CHRM3: variants seen among roughly 807,000 people sequenced by gnomAD.
CHRM3 encodes the protein muscarinic acetylcholine receptor M3.
A neutral mutation model predicts 41.8 loss-of-function variants in CHRM3; 11 were observed. The observed-to-expected ratio is 0.26, with a 90% CI of 0.17 to 0.44. The LOEUF (loss-of-function observed/expected upper bound fraction) is 0.44. CHRM3 is among the 20% of genes least tolerant of loss of function. The pLI is 1.00. For synonymous variants in CHRM3, 297 were observed against 301.4 expected, an observed-to-expected ratio of 0.99 and a Z score of 0.15; for missense variants, 571 against 745.4, an observed-to-expected ratio of 0.77 and a Z score of 2.72.
At chr1:239,425,812 C>T (rs1000189382) in intron 1 of CHRM3, among the ~76,000 whole-genome samples, 1 of 151,984 alleles carries the variant, frequency 6.6e-6, no homozygotes, top group African/African-American at 2.4e-5. Flanking sequence ...AATTGTAAAA[C>T]GCTCCATTCC....
intron 1 of CHRM3, among the ~76,000 whole-genome samples, chr1:239,485,721 T>G (rs1235316369): frequency 6.6e-6 from 1 of 152,172 alleles, no homozygotes; most frequent in African/African-American, 2.4e-5. Context: ...TAGCTCTGTA[T>G]TTGCCACTGC....
intron 1 of CHRM3, among the ~76,000 whole-genome samples, chr1:239,435,877 C>T (rs956370804): frequency 1.3e-5 from 2 of 152,102 alleles, no homozygotes; most frequent in African/African-American, 4.8e-5. Flanking sequence ...TCACATTTCT[C>T]TGCTCTGGGC....
chr1:239,801,980 A>C, intron 5 of CHRM3, among the ~76,000 whole-genome samples: 1 of 152,208 alleles, frequency 6.6e-6, no homozygotes, highest in East Asian at 1.9e-4. Context: ...GAGCAGCTTC[A>C]GGATTAGCGA....
At chr1:239,621,672 ACT>A (rs2148816200) in intron 3 of CHRM3, among the ~76,000 whole-genome samples, 1 of 152,322 alleles carries the variant, frequency 6.6e-6, no homozygotes, top group East Asian at 1.9e-4. Context: ...CAAGGCTTTA[ACT>A]CTCTTCAATT....
intron 3 of CHRM3, among the ~76,000 whole-genome samples, chr1:239,606,511 G>T (rs112383197): frequency 0.019 from 2,884 of 152,136 alleles, 83 homozygotes; most frequent in African/African-American, 0.063. Context: ...CCTGACCTTG[G>T]GATCTGCCCG....
chr1:239,752,947 C>G (rs984163083), intron 5 of CHRM3, among the ~76,000 whole-genome samples: 1 of 152,000 alleles, frequency 6.6e-6, no homozygotes, highest in Non-Finnish European at 1.5e-5. Context: ...AGATATATAT[C>G]ATTTTTATTG....
chr1:239,839,803 G>A (rs78190756), intron 6 of CHRM3, among the ~76,000 whole-genome samples: 17 of 151,404 alleles, frequency 1.1e-4, no homozygotes, highest in Admixed American at 3.3e-4. Flanking sequence ...GGCGGGGCGG[G>A]GGGGGAGCGG....
chr1:239,526,030 C>G (rs919250894), intron 2 of CHRM3, among the ~76,000 whole-genome samples: 10 of 152,168 alleles, frequency 6.6e-5, no homozygotes, highest in Non-Finnish European at 1.2e-4. Flanking sequence ...CTCAATTGAT[C>G]ATGGAGTCTC....
At chr1:239,433,573 A>C (rs1265868559) in intron 1 of CHRM3, among the ~76,000 whole-genome samples, 1 of 152,144 alleles carries the variant, frequency 6.6e-6, no homozygotes, top group East Asian at 1.9e-4. Context: ...CAAGCAGTAT[A>C]CACTGAACCC....
intron 6 of CHRM3, among the ~76,000 whole-genome samples, chr1:239,881,138 C>T (rs1677562085): frequency 2.0e-5 from 3 of 151,752 alleles, no homozygotes; most frequent in Admixed American, 6.6e-5. Context: ...AAAAAATTAG[C>T]CGGGCGTGGT....
At chr1:239,749,548 A>G (rs1178211165) in intron 5 of CHRM3, among the ~76,000 whole-genome samples, 1 of 152,100 alleles carries the variant, frequency 6.6e-6, no homozygotes, top group African/African-American at 2.4e-5. Flanking sequence ...CGTGCCTGTA[A>G]TCACAGCTGC....
intron 6 of CHRM3, among the ~76,000 whole-genome samples, chr1:239,841,056 G>A (rs1229172467): frequency 6.6e-6 from 1 of 152,142 alleles, no homozygotes; most frequent in Non-Finnish European, 1.5e-5. Flanking sequence ...TGTGTTCCAT[G>A]GCACCCTGAC....
At chr1:239,886,821 C>T (rs965698975) in intron 6 of CHRM3, among the ~76,000 whole-genome samples, 2 of 152,156 alleles carry the variant, frequency 1.3e-5, no homozygotes, top group Admixed American at 6.5e-5. Context: ...AGAGCATTAC[C>T]GGGTTTCTCT....
intron 3 of CHRM3, among the ~76,000 whole-genome samples, chr1:239,572,754 A>G (rs1661948819): frequency 6.6e-6 from 1 of 151,814 alleles, no homozygotes; most frequent in Non-Finnish European, 1.5e-5. Context: ...CTCTTAATGG[A>G]TGTGATATGG....
At chr1:239,815,848 C>G (rs767167951) in intron 5 of CHRM3, among the ~76,000 whole-genome samples, 50 of 152,292 alleles carry the variant, frequency 3.3e-4, no homozygotes, top group Non-Finnish European at 5.9e-4. Context: ...CATCTTTAAA[C>G]TGCACTCTTA....
At chr1:239,398,254 G>A (rs776695130) in intron 1 of CHRM3, among the ~76,000 whole-genome samples, 2 of 151,864 alleles carry the variant, frequency 1.3e-5, no homozygotes, top group Non-Finnish European at 2.9e-5. Context: ...TTTTCTTTTT[G>A]AGATGGAGTT....
intron 1 of CHRM3, among the ~76,000 whole-genome samples, chr1:239,415,045 A>G (rs1661388017): frequency 2.0e-5 from 3 of 152,378 alleles, no homozygotes; most frequent in South Asian, 4.1e-4. Context: ...TTTCAAACAA[A>G]TGCATGTCTG....
In CHRM3 at chr1:239,539,476, T is replaced by C. The variant is rs79822201; in HGVS notation, c.-421-6165T>C. Among the ~76,000 whole-genome samples, 335 of 151,450 alleles carry C rather than the reference T, an allele frequency of 2.2e-3. 1 individual carries two copies. Among genetic ancestry groups the C allele is most frequent in the African/African-American group, 7.8e-3 (324 of 41,534 alleles). ...AAATATTCTTACCCTTTTGCAGCAA[T>C]TACTTTTGTCACTATTGCTATTATG... On this transcript the variant is annotated intron_variant, in intron 2 of 6. Coordinates refer to ENST00000676153, the MANE Select transcript of CHRM3 (RefSeq NM_001375978.1).
intron 6 of CHRM3, among the ~76,000 whole-genome samples, chr1:239,870,204 T>G (rs1676456411): frequency 6.6e-6 from 1 of 152,144 alleles, no homozygotes. Flanking sequence ...TATGCAATGC[T>G]GACAAGGAAA....
Sources: allele counts gnomAD v4.1 joint callset (sites outside exome capture counted in the v4.1 genomes callset), GRCh38; gene constraint gnomAD v4.1.1; transcripts MANE v1.5; gene names NCBI Gene and HGNC (gene_info 2026-07-23, HGNC 2026-07-21).